CDKL3: variants seen among roughly 807,000 people sequenced by gnomAD.
CDKL3 encodes the protein cyclin-dependent kinase-like 3.
In CDKL3, 65 loss-of-function variants were observed where a neutral mutation model predicts 69.3. The observed-to-expected ratio is 0.94, with a 90% confidence interval of 0.77 to 1.15. The LOEUF (loss-of-function observed/expected upper bound fraction) is 1.15, where lower values mean the gene tolerates loss of function less well. Among genes scored for constraint, CDKL3 ranks in the 50% most tolerant of loss-of-function variants. CDKL3 has a pLI of 0.00. For synonymous variants in CDKL3, 202 were observed against 221.6 expected (o/e 0.91, Z 0.79); for missense variants, 652 against 689.2 (o/e 0.95, Z 0.61).
intron 9 of CDKL3, among the ~76,000 whole-genome samples, chr5:134,307,062 CTTTG>C (rs1768084451): frequency 6.6e-6 from 1 of 152,060 alleles, no homozygotes; most frequent in Non-Finnish European, 1.5e-5. Flanking sequence ...GCCGAAATGC[CTTTG>C]TTTTAGCTTC....
Position 134,302,688 on chromosome 5 carries a change from C to T in CDKL3, c.1622-1G>A. ...CTCTTCAGCATTTTTATCTGTTTAA[C>T]TTTTGCAAAAATATACAAAACAATG... On this transcript the variant is annotated splice_acceptor_variant, in intron 11 of 12. Transcript: ENST00000265334. LOFTEE classifies it high-confidence loss of function. The T allele has an allele frequency of 6.5e-7, 1 of 1,529,738 alleles. No homozygotes were observed. The highest frequency in any genetic ancestry group is 8.9e-7 in the Non-Finnish European group (1 of 1,122,626). 94.8% of individuals were successfully genotyped at this position (1,529,738 alleles called of 1,614,324 possible).
At chr5:134,286,454 T>C in exon 9 of CDKL3, 1 of 200,898 alleles carries the variant, frequency 5.0e-6, no homozygotes, top group Non-Finnish European at 9.9e-6. Context: ...TGTTACCCAG[T>C]TCCAAAGTTG....
At chr5:134,344,513 C>T (rs1264625971) in intron 4 of CDKL3, among the ~76,000 whole-genome samples, 1 of 152,090 alleles carries the variant, frequency 6.6e-6, no homozygotes, top group Non-Finnish European at 1.5e-5. Flanking sequence ...GGACAATATA[C>T]AAATGGCCAA....
intron 2 of CDKL3, among the ~76,000 whole-genome samples, chr5:134,361,610 G>A (rs1267154550): frequency 1.3e-5 from 2 of 152,130 alleles, no homozygotes; most frequent in South Asian, 4.1e-4. Flanking sequence ...GCAGTGAAAA[G>A]AATTGACTGT....
At chr5:134,293,002 C>CTTTTTTTTTTTTT (rs558156596) in intron 8 of CDKL3, among the ~76,000 whole-genome samples, 3 of 43,896 alleles carry the variant, frequency 6.8e-5, no homozygotes, top group Non-Finnish European at 8.8e-5. Context: ...CTGCCAATTT[C>CTTTTTTTTTTTTT]TTTTTTTTTT....
downstream of CDKL3, among the ~76,000 whole-genome samples, chr5:134,294,112 A>G (rs144096332): frequency 3.3e-3 from 500 of 152,298 alleles, 1 homozygote; most frequent in African/African-American, 0.011. Flanking sequence ...CTGTCTCGAA[A>G]AAATAAATGA....
intron 10 of CDKL3, among the ~76,000 whole-genome samples, chr5:134,305,153 T>C (rs1361415623): frequency 1.3e-5 from 2 of 152,030 alleles, no homozygotes; most frequent in African/African-American, 4.8e-5. Context: ...TCTTGCTTTG[T>C]TGTCCAGGCT....
chr5:134,357,525 G>T (rs1453574508), intron 3 of CDKL3, among the ~76,000 whole-genome samples: 3 of 152,184 alleles, frequency 2.0e-5, no homozygotes, highest in African/African-American at 7.2e-5. Context: ...CAGCTACTCA[G>T]GAGGGTGAAG....
intron 6 of CDKL3, among the ~76,000 whole-genome samples, chr5:134,316,571 T>A (rs1188471007): frequency 1.3e-5 from 2 of 149,914 alleles, no homozygotes; most frequent in African/African-American, 4.9e-5. Context: ...CACTGCAGCC[T>A]GGGTGACAGA....
chr5:134,309,492 T>C (rs1447567056), intron 7 of CDKL3, among the ~76,000 whole-genome samples: 1 of 152,198 alleles, frequency 6.6e-6, no homozygotes, highest in African/African-American at 2.4e-5. Context: ...TTATTTTGGT[T>C]TTAGTTTGAT....
intron 3 of CDKL3, among the ~76,000 whole-genome samples, chr5:134,357,359 A>G (rs112846477): frequency 0.15 from 23,017 of 151,942 alleles, 2,211 homozygotes; most frequent in African/African-American, 0.27. Flanking sequence ...CAGGAGAATC[A>G]CTTGAACCCA....
At chr5:134,302,801 C>A in intron 11 of CDKL3, 114 bp from the exon 12 acceptor site, 1 of 571,406 alleles carries the variant, frequency 1.8e-6, no homozygotes, top group East Asian at 3.2e-5. Context: ...CAGTTTATTA[C>A]AAAGGAACAA....
At chr5:134,286,180 C>T (rs909268596), downstream of CDKL3, among the ~76,000 whole-genome samples, 5 of 152,122 alleles carry the variant, frequency 3.3e-5, no homozygotes, top group Non-Finnish European at 7.4e-5. Flanking sequence ...CCTAAATCAC[C>T]TCTCTCAAGT....
chr5:134,283,937 A>G (rs1273833311), downstream of CDKL3, among the ~76,000 whole-genome samples: 1 of 152,172 alleles, frequency 6.6e-6, no homozygotes, highest in East Asian at 1.9e-4. Context: ...TGCAAATCCA[A>G]AATCCAGTGG....
At chr5:134,371,301 T>C, upstream of CDKL3, 1 of 534,780 alleles carries the variant, frequency 1.9e-6, no homozygotes, top group Non-Finnish European at 3.3e-6. Flanking sequence ...CACAAATTTG[T>C]CTATTACTTC....
chr5:134,371,484 G>A (rs1758400658), upstream of CDKL3: 1 of 1,376,748 alleles, frequency 7.3e-7, no homozygotes, highest in Non-Finnish European at 9.9e-7. Context: ...CGGCGGCGGC[G>A]GCGGCGGCGG....
Position 134,298,621 on chromosome 5 carries a change from T to C in CDKL3, c.*30A>G. ...TAAAACGGGAAGAGTTGTCATCTTG[T>C]ATTTTTTGGACTATGTAAAAGAAAA... On this transcript the variant is annotated 3_prime_UTR_variant, in exon 13 of 13. Transcript: ENST00000265334. The C allele has an allele frequency of 1.2e-6, 2 of 1,602,798 alleles. No homozygotes were observed. The highest frequency in any genetic ancestry group is 1.7e-6 in the Non-Finnish European group (2 of 1,176,858).
At chr5:134,308,757 T>C in intron 7 of CDKL3, 30 bp from the exon 8 acceptor site, 1 of 1,542,152 alleles carries the variant, frequency 6.5e-7, no homozygotes, top group South Asian at 1.3e-5. Context: ...CAACGAGTAA[T>C]CTTTTTATAT....
intron 4 of CDKL3, among the ~76,000 whole-genome samples, chr5:134,347,826 C>T (rs2149589691): frequency 6.6e-6 from 1 of 151,726 alleles, no homozygotes; most frequent in South Asian, 2.1e-4. Flanking sequence ...TAGGCAAATC[C>T]ATAGCGAATG....
Sources: allele counts gnomAD v4.1 joint callset (sites outside exome capture counted in the v4.1 genomes callset), GRCh38; gene constraint gnomAD v4.1.1; transcripts MANE v1.5; gene names NCBI Gene and HGNC (gene_info 2026-07-23, HGNC 2026-07-21).